Variants in ENOX1 observed in about 807,000 individuals in gnomAD.
The protein encoded by ENOX1 is candidate growth-related and time keeping constitutive hydroquinone (NADH) oxidase.
In ENOX1, 42 loss-of-function variants were observed where a neutral mutation model predicts 82.5. The observed-to-expected ratio is 0.51, with a 90% CI of 0.40 to 0.66. ENOX1 has a LOEUF of 0.66. Among genes scored for constraint, ENOX1 ranks in the 30% least tolerant of loss-of-function variants. The pLI is 0.00. For missense variants in ENOX1, 608 were observed against 811.6 expected (o/e 0.75, Z 3.05); for synonymous variants, 271 against 282.2 (o/e 0.96, Z 0.40).
At chr13:43,549,660 C>G (rs1316692577) in intron 2 of ENOX1, among the ~76,000 whole-genome samples, 1 of 152,190 alleles carries the variant, frequency 6.6e-6, no homozygotes, top group Admixed American at 6.5e-5. Context: ...CTAACTGCAT[C>G]AGTAGATTCT....
At chr13:43,472,852 T>C (rs891369269) in intron 3 of ENOX1, among the ~76,000 whole-genome samples, 3 of 152,170 alleles carry the variant, frequency 2.0e-5, no homozygotes, top group African/African-American at 7.2e-5. Context: ...TAATGAAAGG[T>C]TAATACTATT....
intron 2 of ENOX1, among the ~76,000 whole-genome samples, chr13:43,559,602 T>C (rs1486633884): frequency 1.3e-5 from 2 of 152,202 alleles, no homozygotes; most frequent in African/African-American, 4.8e-5. Context: ...TATCCCGTTA[T>C]AGCTATCCAA....
rs192256631 is a variant in ENOX1, at chr13:43,531,980, C to G, written c.-218-47828G>C. Among the ~76,000 whole-genome samples the G allele has an allele frequency of 3.9e-3, 590 of 151,074 alleles. 2 individuals are homozygous for G. The highest frequency in any genetic ancestry group is 0.014 in the African/African-American group (566 of 41,086). On this transcript the variant is annotated intron_variant, in intron 2 of 16. Transcript: ENST00000690772. ...AGGAGATATACCTAATGCTAAATGACGAGTTAATGGGTGCAGCACACCAAC... is the reference window on the plus strand; with the variant it reads ...AGGAGATATACCTAATGCTAAATGAGGAGTTAATGGGTGCAGCACACCAAC...
intron 1 of ENOX1, among the ~76,000 whole-genome samples, chr13:43,765,265 C>T (rs992640329): frequency 7.9e-5 from 12 of 152,340 alleles, no homozygotes; most frequent in South Asian, 2.1e-4. Context: ...AAACCCTGTA[C>T]TTTCCCAACT....
chr13:43,540,530 G>C (rs557030367), intron 2 of ENOX1, among the ~76,000 whole-genome samples: 1 of 152,280 alleles, frequency 6.6e-6, no homozygotes, highest in South Asian at 2.1e-4. Context: ...ATGACCTTTG[G>C]CATAGAAAAG....
intron 3 of ENOX1, among the ~76,000 whole-genome samples, chr13:43,470,375 T>TATAC (rs2058001038): frequency 4.7e-5 from 4 of 85,670 alleles, no homozygotes; most frequent in Non-Finnish European, 7.2e-5. Context: ...CGTATATATA[T>TATAC]ACATATATAT....
At chr13:43,284,951 C>G (rs1460887145) in intron 12 of ENOX1, among the ~76,000 whole-genome samples, 1 of 151,910 alleles carries the variant, frequency 6.6e-6, no homozygotes, top group Admixed American at 6.6e-5. Context: ...GAGTCAGAGA[C>G]ACAGAGAGAA....
chr13:43,751,262 C>G (rs1950297891), intron 1 of ENOX1, among the ~76,000 whole-genome samples: 1 of 152,190 alleles, frequency 6.6e-6, no homozygotes, highest in Non-Finnish European at 1.5e-5. Flanking sequence ...TACCAACTTT[C>G]CTTTCCCAGG....
intron 2 of ENOX1, among the ~76,000 whole-genome samples, chr13:43,585,139 G>A (rs1593953512): frequency 6.6e-6 from 1 of 152,190 alleles, no homozygotes; most frequent in East Asian, 1.9e-4. Flanking sequence ...CCTATAAAGA[G>A]GGAGGCAGAA....
At chr13:43,613,342 G>A (rs1202802322) in intron 2 of ENOX1, among the ~76,000 whole-genome samples, 1 of 152,082 alleles carries the variant, frequency 6.6e-6, no homozygotes, top group East Asian at 1.9e-4. Flanking sequence ...TTTCTTTTAG[G>A]ATGGTGAAAA....
intron 12 of ENOX1, among the ~76,000 whole-genome samples, chr13:43,284,390 T>C (rs2045571804): frequency 6.6e-6 from 1 of 152,156 alleles, no homozygotes; most frequent in Non-Finnish European, 1.5e-5. Flanking sequence ...AGCAAATGAC[T>C]CAGTATAAAA....
intron 1 of ENOX1, among the ~76,000 whole-genome samples, chr13:43,779,193 A>G (rs1261298633): frequency 6.6e-6 from 1 of 151,880 alleles, no homozygotes; most frequent in Non-Finnish European, 1.5e-5. Context: ...TAAAAAAAAA[A>G]AAAAAAAAAA....
chr13:43,422,127 TA>T (rs201636762), intron 3 of ENOX1, among the ~76,000 whole-genome samples: 17 of 151,208 alleles, frequency 1.1e-4, no homozygotes, highest in African/African-American at 3.2e-4. Flanking sequence ...GAATGACAAT[TA>T]AAAAAAAATC....
chr13:43,331,539 G>A (rs957214210), intron 9 of ENOX1, among the ~76,000 whole-genome samples: 1 of 152,060 alleles, frequency 6.6e-6, no homozygotes, highest in African/African-American at 2.4e-5. Context: ...AATCCTCTAT[G>A]AATAGCCCAT....
intron 14 of ENOX1, among the ~76,000 whole-genome samples, chr13:43,247,935 G>A (rs1183371106): frequency 2.6e-5 from 3 of 113,892 alleles, no homozygotes; most frequent in Non-Finnish European, 3.5e-5. Flanking sequence ...GCCCAGGCTG[G>A]AGTGCAGTGG....
intron 1 of ENOX1, among the ~76,000 whole-genome samples, chr13:43,695,765 T>G (rs985358224): frequency 6.6e-6 from 1 of 152,124 alleles, no homozygotes; most frequent in Non-Finnish European, 1.5e-5. Flanking sequence ...TTTCTTCACT[T>G]TTTACAAAAT....
chr13:43,702,787 C>A (rs770814353), intron 1 of ENOX1, among the ~76,000 whole-genome samples: 1 of 151,666 alleles, frequency 6.6e-6, no homozygotes, highest in Non-Finnish European at 1.5e-5. Context: ...CCCATCTCTA[C>A]TAAAAATACA....
intron 1 of ENOX1, among the ~76,000 whole-genome samples, chr13:43,744,338 C>A (rs768497444): frequency 6.6e-6 from 1 of 152,134 alleles, no homozygotes; most frequent in Non-Finnish European, 1.5e-5. Flanking sequence ...CAGTTCAAGA[C>A]CCTAATAAAC....
intron 5 of ENOX1, among the ~76,000 whole-genome samples, chr13:43,382,355 A>AGG (rs1460828057): frequency 6.6e-6 from 1 of 152,142 alleles, no homozygotes; most frequent in Non-Finnish European, 1.5e-5. Flanking sequence ...TCCTCAGTAA[A>AGG]GGTTATGTAC....
Sources: gnomAD v4.1 joint callset for allele counts (sites outside exome capture counted in the v4.1 genomes callset) on GRCh38, gnomAD v4.1.1 for gene constraint, MANE v1.5 for transcripts, NCBI Gene and HGNC (gene_info 2026-07-23, HGNC 2026-07-21) for gene names.